The following TSBP1 variants were observed in gnomAD, a reference collection of about 807,000 sequenced individuals.
TSBP1 encodes testis expressed basic protein 1, also known as testis-expressed basic protein 1.
Under a neutral mutation model 68.8 loss-of-function variants are expected in TSBP1, and 56 were observed. The ratio of observed to expected loss-of-function variants is 0.81; its 90% CI spans 0.66 to 1.02. TSBP1 has a LOEUF of 1.02. Among genes scored for constraint, TSBP1 ranks in the 50% least tolerant of loss-of-function variants. The pLI is 0.00. For missense variants in TSBP1, 502 were observed against 641.2 expected, an observed-to-expected ratio of 0.78 and a Z score of 2.34; for synonymous variants, 171 against 208.7, an observed-to-expected ratio of 0.82 and a Z score of 1.56.
In TSBP1 at chr6:32,349,734, A is replaced by T; in HGVS notation, c.349+6T>A. On this transcript the variant is annotated splice_donor_region_variant and intron_variant, in intron 9 of 22. Transcript: ENST00000612031. ...AGCAGAATTGAAGAAAAGTAAAGGA[A>T]CTTACCAATACTTGATCGAGACAGT... is the stretch of plus-strand genomic sequence containing the variant. 13 of 1,554,470 alleles carry T rather than the reference A, an allele frequency of 8.4e-6. No individual in the cohort carries two copies. Among genetic ancestry groups the T allele is most frequent in the Non-Finnish European group, 1.2e-5 (13 of 1,127,160 alleles).
At chr6:32,332,003 AGAGAT>A in intron 15 of TSBP1, 26 bp downstream of exon 16, 4 of 1,539,382 alleles carry the variant, frequency 2.6e-6, no homozygotes, top group Non-Finnish European at 3.6e-6. Context: ...AGAAGCCAGT[AGAGAT>A]AAGTTGATAT....
intron 6 of TSBP1, among the ~76,000 whole-genome samples, chr6:32,364,229 A>G (rs1056098418): frequency 7.9e-5 from 12 of 152,114 alleles, no homozygotes; most frequent in African/African-American, 2.9e-4. Context: ...GAGAGTTTTG[A>G]GTTTCATATA....
intron 14 of TSBP1, among the ~76,000 whole-genome samples, chr6:32,334,999 A>G (rs1265755): frequency 0.096 from 14,655 of 152,118 alleles, 1,063 homozygotes; most frequent in African/African-American, 0.19. Context: ...ATGCCACTGC[A>G]CTCCAGCCCG....
chr6:32,355,879 A>G (rs575003807), intron 6 of TSBP1, among the ~76,000 whole-genome samples: 7 of 152,344 alleles, frequency 4.6e-5, no homozygotes, highest in African/African-American at 1.4e-4. Flanking sequence ...TGTAGTGAGA[A>G]GAAATAATAA....
chr6:32,356,122 T>TG (rs1772294599), intron 6 of TSBP1, among the ~76,000 whole-genome samples: 1 of 152,214 alleles, frequency 6.6e-6, no homozygotes, highest in African/African-American at 2.4e-5. Context: ...CTAAAAGATC[T>TG]GGAGACAAAG....
chr6:32,359,144 T>C (rs9268310), intron 6 of TSBP1, among the ~76,000 whole-genome samples: 114,416 of 148,586 alleles, frequency 0.77, 44,269 homozygotes, highest in South Asian at 0.9. Context: ...GTTCAATTCT[T>C]CTTTGGGTAT....
At chr6:32,345,021 T>A (rs1770835760) in intron 9 of TSBP1, among the ~76,000 whole-genome samples, 1 of 152,060 alleles carries the variant, frequency 6.6e-6, no homozygotes, top group Non-Finnish European at 1.5e-5. Flanking sequence ...GCCCTACTAA[T>A]TCTTTTAATT....
intron 16 of TSBP1, among the ~76,000 whole-genome samples, chr6:32,328,791 T>A (rs1054278878): frequency 6.6e-6 from 1 of 152,124 alleles, no homozygotes; most frequent in African/African-American, 2.4e-5. Flanking sequence ...GACCTCGTGA[T>A]CCACCTGCCT....
chr6:32,304,517 G>A lies in TSBP1; in HGVS notation c.581-1888C>T, dbSNP rs1360937220. 6.6e-6 allele frequency among the ~76,000 whole-genome samples: 1 copy of A among 152,054 alleles called. No homozygotes were observed. The highest frequency in any genetic ancestry group is 1.5e-5 in the Non-Finnish European group (1 of 68,018). On this transcript the variant is annotated intron_variant, in intron 19 of 22. Coordinates refer to ENST00000612031, the Ensembl canonical transcript of TSBP1. The surrounding 1 kb of genome is among the most constrained non-coding windows in gnomAD (Gnocchi z 4.8). ...CCACTTTAATAACTTAAATATCCAG[G>A]CCATTTTGAATGGCACGTATGATGG...
intron 4 of TSBP1, chr6:32,366,566 A>G (rs1332787188): frequency 2.3e-6 from 1 of 435,538 alleles, no homozygotes; most frequent in Non-Finnish European, 4.2e-6. Context: ...GATCGAGACC[A>G]TCCTGGCTAA....
At chr6:32,346,604 G>T (rs1314730868) in intron 9 of TSBP1, among the ~76,000 whole-genome samples, 1 of 152,096 alleles carries the variant, frequency 6.6e-6, no homozygotes, top group Non-Finnish European at 1.5e-5. Flanking sequence ...TTGGGAAGCC[G>T]GGGAGGGCAA....
intron 6 of TSBP1, among the ~76,000 whole-genome samples, chr6:32,363,735 G>C (rs1773330951): frequency 6.6e-6 from 1 of 151,468 alleles, no homozygotes; most frequent in Admixed American, 6.6e-5. Flanking sequence ...TTAATATTTT[G>C]TCTTTTAACT....
At chr6:32,367,260 AG>A (rs200291084) in intron 4 of TSBP1, among the ~76,000 whole-genome samples, 5,897 of 151,396 alleles carry the variant, frequency 0.039, 340 homozygotes, top group African/African-American at 0.12. Flanking sequence ...AGAGAGAGAG[AG>A]AGAAAGAGAG....
In TSBP1 at chr6:32,335,753, A is replaced by C. The variant is rs1489431070; in HGVS notation, c.451+159T>G. On this transcript the variant is annotated intron_variant, in intron 13 of 22. Coordinates refer to ENST00000612031, the Ensembl canonical transcript of TSBP1. This position sits in a 1 kb window ranked among gnomAD's most constrained non-coding sequence, Gnocchi z 5.5. ...TGGTGAGGTGTACATTCACACAGCT[A>C]ATCATGACTTACTGAAATGCTAGGT... Among the ~76,000 whole-genome samples, 2 of 152,170 alleles carry C rather than the reference A, an allele frequency of 1.3e-5. No homozygotes were observed. Among genetic ancestry groups the C allele is most frequent in the East Asian group, 3.8e-4 (2 of 5,196 alleles).
At chr6:32,363,671 G>T (rs1299583535) in intron 6 of TSBP1, among the ~76,000 whole-genome samples, 1 of 111,066 alleles carries the variant, frequency 9.0e-6, no homozygotes, top group African/African-American at 2.7e-5. Flanking sequence ...TACATTCTCA[G>T]TGTCAAAATT....
Position 32,366,158 on chromosome 6 carries a change from T to C in TSBP1, c.217+9A>G, listed in dbSNP as rs765076034. 10 of 1,602,740 alleles carry C rather than the reference T, an allele frequency of 6.2e-6. No homozygotes were observed. Among genetic ancestry groups the C allele is most frequent in the Middle Eastern group, 1.7e-4 (1 of 5,948 alleles). ...CTTTAATTTTACAAAAATCTCTACA[T>C]ATACTTACCTCGGTTATCATATGAA... On this transcript the variant is annotated intron_variant, in intron 6 of 22. Coordinates refer to ENST00000612031, the Ensembl canonical transcript of TSBP1.
chr6:32,366,711 C>T (rs910401699), intron 4 of TSBP1, among the ~76,000 whole-genome samples: 9 of 126,362 alleles, frequency 7.1e-5, no homozygotes, highest in African/African-American at 2.3e-4. Context: ...TGCAGTGAGC[C>T]GAGATTGCGC....
Position 32,358,910 on chromosome 6 carries a change from T to TTTATTATTATTATTATTATTA in TSBP1, c.218-3262_218-3242dup, listed in dbSNP as rs9281749. 9.1e-3 allele frequency among the ~76,000 whole-genome samples: 1,354 copies of TTTATTATTATTATTATTATTA among 148,030 alleles called. 14 individuals carry two copies. The highest frequency in any genetic ancestry group is 0.021 in the South Asian group (92 of 4,472). On this transcript the variant is annotated intron_variant, in intron 6 of 22. Coordinates refer to ENST00000612031, the Ensembl canonical transcript of TSBP1. Reference sequence around the variant, plus strand: ...GTGTCTTTATAGCAGCATGATTTGTTTTATTATTATTATTATTATTATTAT... The same window carrying TTTATTATTATTATTATTATTA: ...GTGTCTTTATAGCAGCATGATTTGTTTTATTATTATTATTATTATTATTATTATTATTATTATTATTATTAT...
chr6:32,352,652 A>C (rs1329339006), intron 8 of TSBP1, among the ~76,000 whole-genome samples: 1 of 151,982 alleles, frequency 6.6e-6, no homozygotes, highest in Non-Finnish European at 1.5e-5. Context: ...AAAGTCAAGC[A>C]ATATGCCATT....
Sources: allele counts gnomAD v4.1 joint callset (sites outside exome capture counted in the v4.1 genomes callset), GRCh38; gene constraint gnomAD v4.1.1; non-coding constraint Gnocchi (gnomAD v3.1); transcripts MANE v1.5; gene names NCBI Gene and HGNC (gene_info 2026-07-23, HGNC 2026-07-21).